Variants in ZBBX observed in about 807,000 individuals in gnomAD.
ZBBX encodes zinc finger B-box domain-containing protein 1.
ZBBX carries 101 observed loss-of-function variants against 108.5 expected under a neutral mutation model. That is an observed-to-expected ratio of 0.93 (90% CI 0.79 to 1.10). ZBBX has a LOEUF of 1.10. ZBBX is among the 50% of genes least tolerant of loss of function. The pLI is 0.00. For missense variants in ZBBX, 1,009 were observed against 941.4 expected (o/e 1.07, Z -0.94); for synonymous variants, 356 against 323.4 (o/e 1.10, Z -1.08).
chr3:167,384,327 C>T (rs745734526), upstream of ZBBX, among the ~76,000 whole-genome samples: 24 of 152,052 alleles, frequency 1.6e-4, no homozygotes, highest in Non-Finnish European at 2.2e-4. Flanking sequence ...CTCAATAGGG[C>T]TTGGAAAGTA....
chr3:167,195,232 G>T, the ZBBX span, among the ~76,000 whole-genome samples: 2 of 152,128 alleles, frequency 1.3e-5, no homozygotes, highest in Admixed American at 6.5e-5. Context: ...AGCATCAAAG[G>T]TCTTCCCAAG....
intron 17 of ZBBX, 47 bp from the exon 18 acceptor site, chr3:167,298,505 C>G: frequency 7.4e-7 from 1 of 1,344,372 alleles, no homozygotes. Flanking sequence ...CTCATTAACA[C>G]AAACAAGCAT....
At chr3:167,302,255 T>C (rs1196706099) in intron 17 of ZBBX, among the ~76,000 whole-genome samples, 1 of 152,184 alleles carries the variant, frequency 6.6e-6, no homozygotes, top group Non-Finnish European at 1.5e-5. Flanking sequence ...CTATCTTTAC[T>C]AATAGAAAAT....
At chr3:167,341,105 T>C (rs1740463296) in intron 9 of ZBBX, among the ~76,000 whole-genome samples, 1 of 151,978 alleles carries the variant, frequency 6.6e-6, no homozygotes, top group Admixed American at 6.6e-5. Context: ...CTTTAAGTAG[T>C]TCTTAAAAGA....
chr3:167,247,430 T>G (rs1428341325), intron 20 of ZBBX, among the ~76,000 whole-genome samples: 1 of 152,072 alleles, frequency 6.6e-6, no homozygotes, highest in Non-Finnish European at 1.5e-5. Flanking sequence ...GAGAGCTACT[T>G]CCACTCAATA....
At chr3:167,303,571 G>A (rs1733090704) in intron 17 of ZBBX, among the ~76,000 whole-genome samples, 1 of 152,050 alleles carries the variant, frequency 6.6e-6, no homozygotes, top group South Asian at 2.1e-4. Flanking sequence ...CATTCAAGAG[G>A]CGAAATAACT....
chr3:167,214,334 G>A, the ZBBX span, among the ~76,000 whole-genome samples: 2 of 152,122 alleles, frequency 1.3e-5, no homozygotes, highest in Non-Finnish European at 2.9e-5. Flanking sequence ...GAAAAAAGCA[G>A]GGGTTGCTAT....
chr3:167,400,259 T>C (rs756324940), intron 1 of ZBBX, among the ~76,000 whole-genome samples: 1 of 152,168 alleles, frequency 6.6e-6, no homozygotes, highest in South Asian at 2.1e-4. Flanking sequence ...GTTATCTTTG[T>C]AGTTTTTTTA....
chr3:167,318,196 A>G (rs1227433236), intron 12 of ZBBX, among the ~76,000 whole-genome samples: 2 of 151,994 alleles, frequency 1.3e-5, no homozygotes, highest in Non-Finnish European at 2.9e-5. Flanking sequence ...TATATAACCA[A>G]ATTATTGGAG....
chr3:167,209,056 A>G, the ZBBX span, among the ~76,000 whole-genome samples: 1 of 152,128 alleles, frequency 6.6e-6, no homozygotes, highest in Non-Finnish European at 1.5e-5. Flanking sequence ...GGATGGTGGT[A>G]GCTATGGGGA....
At chr3:167,360,552 G>T in intron 7 of ZBBX, 123 bp downstream of exon 7, 1 of 492,994 alleles carries the variant, frequency 2.0e-6, no homozygotes, top group Non-Finnish European at 3.3e-6. Context: ...AATGTGTCAT[G>T]ATTTGGGGGT....
chr3:167,300,080 T>C (rs1449960263), intron 17 of ZBBX, among the ~76,000 whole-genome samples: 1 of 152,192 alleles, frequency 6.6e-6, no homozygotes, highest in Non-Finnish European at 1.5e-5. Context: ...AAGTCCTGTC[T>C]TACCAGTGGT....
chr3:167,337,593 A>G (rs1309539620), intron 9 of ZBBX, among the ~76,000 whole-genome samples: 1 of 152,176 alleles, frequency 6.6e-6, no homozygotes, highest in African/African-American at 2.4e-5. Context: ...CGTATTTGGT[A>G]CAAATCTGGT....
downstream of ZBBX, among the ~76,000 whole-genome samples, chr3:167,237,691 A>G (rs6796316): frequency 0.81 from 123,700 of 151,824 alleles, 50,845 homozygotes; most frequent in African/African-American, 0.93. Context: ...AGCAAATAAA[A>G]GCAGAAGGGG....
intron 20 of ZBBX, among the ~76,000 whole-genome samples, chr3:167,266,045 A>T (rs533343970): frequency 6.6e-6 from 1 of 152,242 alleles, no homozygotes; most frequent in Non-Finnish European, 1.5e-5. Context: ...TGAAGTTAAA[A>T]CCAGGTACTG....
chr3:167,301,954 T>A (rs1576937572), intron 17 of ZBBX, among the ~76,000 whole-genome samples: 1 of 92,142 alleles, frequency 1.1e-5, no homozygotes. Flanking sequence ...AAGACTCCGT[T>A]AAAAAAAAAA....
chr3:167,356,559 T>C (rs1743611859), intron 8 of ZBBX, among the ~76,000 whole-genome samples: 1 of 152,132 alleles, frequency 6.6e-6, no homozygotes, highest in Non-Finnish European at 1.5e-5. Flanking sequence ...TACCTATGTG[T>C]TATATTTAAA....
intron 20 of ZBBX, among the ~76,000 whole-genome samples, chr3:167,244,805 A>G (rs998735091): frequency 6.6e-6 from 1 of 152,186 alleles, no homozygotes; most frequent in East Asian, 1.9e-4. Context: ...AACCTTTTCT[A>G]TCCCTGGAGT....
rs1414369571 is a variant in ZBBX, at chr3:167,359,977, G to T, written c.325C>A (p.Pro109Thr). The change falls in exon 8 of 22, where the codon CCA becomes ACA. Residue 109 changes from proline (P) to threonine (T), a missense_variant and splice_region_variant. Physicochemically the swap from Pro to Thr is conservative, Grantham distance 38. Coordinates refer to ENST00000675490, the MANE Select transcript of ZBBX (RefSeq NM_001199201.2). ...LKLLKEQIQE[P>T]VKPTVNYKMA... ...TTATAATTAACTGTTGGTTTCACTG[G>T]CTCTGCAAGATAAAAAATAATATTA... 2.6e-6 allele frequency: 4 copies of T among 1,545,464 alleles called. No individual in the cohort carries two copies. The highest frequency in any genetic ancestry group is 3.5e-6 in the Non-Finnish European group (4 of 1,134,608).
Sources: allele counts gnomAD v4.1 joint callset (sites outside exome capture counted in the v4.1 genomes callset), GRCh38; gene constraint gnomAD v4.1.1; transcripts MANE v1.5; gene names NCBI Gene and HGNC (gene_info 2026-07-23, HGNC 2026-07-21).